Variants in STARD13 observed in about 807,000 individuals in gnomAD.
The protein encoded by STARD13 is stAR-related lipid transfer protein 13.
STARD13 carries 62 observed loss-of-function variants against 106.4 expected under a neutral mutation model. The observed-to-expected ratio is 0.58, with a 90% confidence interval of 0.48 to 0.72. The LOEUF is 0.72. Ranked by LOEUF, STARD13 falls within the 30% of genes least tolerant of loss-of-function variation. The pLI is 0.00. For missense variants in STARD13, 1,387 were observed against 1,424.0 expected (o/e 0.97, Z 0.42); for synonymous variants, 565 against 553.0 (o/e 1.02, Z -0.31).
At chr13:33,111,930 C>A in intron 9 of STARD13, 38 bp from the exon 10 acceptor site, 1 of 1,316,096 alleles carries the variant, frequency 7.6e-7, no homozygotes, top group Middle Eastern at 1.8e-4. Flanking sequence ...AGATCCCACA[C>A]CAACGAGCTT....
chr13:33,114,816 C>T (rs1202741548), intron 8 of STARD13, among the ~76,000 whole-genome samples: 1 of 152,002 alleles, frequency 6.6e-6, no homozygotes, highest in Non-Finnish European at 1.5e-5. Flanking sequence ...TCAGAAAATA[C>T]TTCCTGTCCA....
chr13:33,463,519 T>G, the STARD13 span, among the ~76,000 whole-genome samples: 4 of 152,172 alleles, frequency 2.6e-5, no homozygotes, highest in African/African-American at 9.7e-5. Context: ...CTTTAGCTAG[T>G]TCTCAATTTG....
chr13:33,344,641 C>G (rs1035624246), downstream of STARD13, among the ~76,000 whole-genome samples: 2 of 152,132 alleles, frequency 1.3e-5, no homozygotes, highest in African/African-American at 4.8e-5. Context: ...CAAGAACTCA[C>G]GGAAATTTGG....
intron 1 of STARD13, among the ~76,000 whole-genome samples, chr13:33,212,564 G>A (rs1332142671): frequency 6.6e-6 from 1 of 152,186 alleles, no homozygotes; most frequent in Non-Finnish European, 1.5e-5. Context: ...AGGTGCAGAT[G>A]TGCATGAGGA....
At chr13:33,561,466 C>T in the STARD13 span, among the ~76,000 whole-genome samples, 8 of 151,486 alleles carry the variant, frequency 5.3e-5, no homozygotes, top group Non-Finnish European at 1.2e-4. Flanking sequence ...AATTGTGTTA[C>T]TTAGAAATGT....
intron 3 of STARD13, among the ~76,000 whole-genome samples, chr13:33,159,628 C>T (rs1337373768): frequency 6.6e-6 from 1 of 152,136 alleles, no homozygotes; most frequent in Non-Finnish European, 1.5e-5. Context: ...GAAACTACTA[C>T]AAAGCTACTA....
At chr13:33,109,410 G>A (rs1407375978) in intron 12 of STARD13, among the ~76,000 whole-genome samples, 2 of 152,182 alleles carry the variant, frequency 1.3e-5, no homozygotes, top group Admixed American at 6.5e-5. Flanking sequence ...TCTGAGCATA[G>A]TAATAGCTAT....
At chr13:33,177,236 G>A (rs1208647678) in intron 1 of STARD13, among the ~76,000 whole-genome samples, 1 of 152,174 alleles carries the variant, frequency 6.6e-6, no homozygotes, top group African/African-American at 2.4e-5. Flanking sequence ...ATCATTTTCT[G>A]TAAGAATAGA....
At chr13:33,113,213 C>T (rs1382193860) in intron 8 of STARD13, 4 of 473,910 alleles carry the variant, frequency 8.4e-6, no homozygotes, top group African/African-American at 3.9e-5. Context: ...TCCTGGTTTT[C>T]TGTATTCTGA....
chr13:33,143,189 T>C (rs544452891), intron 3 of STARD13, among the ~76,000 whole-genome samples: 1 of 152,356 alleles, frequency 6.6e-6, no homozygotes, highest in African/African-American at 2.4e-5. Context: ...TGTTCCATCA[T>C]GGCAGCCTGT....
intron 7 of STARD13, among the ~76,000 whole-genome samples, chr13:33,120,911 T>G (rs1369905382): frequency 1.3e-5 from 2 of 152,182 alleles, no homozygotes; most frequent in African/African-American, 4.8e-5. Context: ...AGCTACTTTT[T>G]ACATTTTTTA....
At chr13:33,546,331 G>GTTGT in the STARD13 span, among the ~76,000 whole-genome samples, 169 of 152,250 alleles carry the variant, frequency 1.1e-3, 2 homozygotes, top group African/African-American at 3.7e-3. Flanking sequence ...AGGGGTCTTA[G>GTTGT]TTGTTAGAGC....
intron 1 of STARD13, among the ~76,000 whole-genome samples, chr13:33,293,070 A>G (rs1022091660): frequency 6.6e-6 from 1 of 152,156 alleles, no homozygotes; most frequent in Non-Finnish European, 1.5e-5. Flanking sequence ...GCTCTTTCTC[A>G]GCCTCCAAGT....
chr13:33,631,763 A>G, the STARD13 span, among the ~76,000 whole-genome samples: 1 of 152,214 alleles, frequency 6.6e-6, no homozygotes, highest in African/African-American at 2.4e-5. Flanking sequence ...TTAAATATCT[A>G]TGTAAATACA....
At chr13:33,277,811 T>C (rs533777828) in intron 1 of STARD13, 1 of 152,312 alleles carries the variant, frequency 6.6e-6, no homozygotes, top group Non-Finnish European at 1.5e-5. Flanking sequence ...TTATTAACTC[T>C]ACCCATATAC....
At chr13:33,343,631 C>G (rs1385567982), downstream of STARD13, among the ~76,000 whole-genome samples, 1 of 148,074 alleles carries the variant, frequency 6.8e-6, no homozygotes, top group African/African-American at 2.5e-5. Context: ...CTCTCCCTAG[C>G]TTCCAACAAC....
chr13:33,669,305 T>A, the STARD13 span, among the ~76,000 whole-genome samples: 4 of 152,164 alleles, frequency 2.6e-5, no homozygotes, highest in African/African-American at 7.2e-5. Context: ...ATAAATGTAG[T>A]TCTGTCCAGG....
intron 1 of STARD13, among the ~76,000 whole-genome samples, chr13:33,350,101 G>T (rs940944057): frequency 6.6e-6 from 1 of 152,132 alleles, no homozygotes; most frequent in African/African-American, 2.4e-5. Context: ...ACACCCACCG[G>T]GAGGCGCGGC....
intron 1 of STARD13, among the ~76,000 whole-genome samples, chr13:33,222,417 C>T (rs1888407314): frequency 6.6e-6 from 1 of 152,096 alleles, no homozygotes; most frequent in South Asian, 2.1e-4. Context: ...AACACTACTG[C>T]ACTGTACACT....
Sources: allele counts gnomAD v4.1 joint callset (sites outside exome capture counted in the v4.1 genomes callset), GRCh38; gene constraint gnomAD v4.1.1; transcripts MANE v1.5; gene names NCBI Gene and HGNC (gene_info 2026-07-23, HGNC 2026-07-21).